CNBD1: variants seen among roughly 807,000 people sequenced by gnomAD.
CNBD1 encodes cyclic nucleotide-binding domain-containing protein 1.
CNBD1 carries 71 observed loss-of-function variants against 54.4 expected under a neutral mutation model. The ratio of observed to expected loss-of-function variants is 1.30; its 90% CI spans 1.08 to 1.59. The LOEUF is 1.59. Among genes scored for constraint, CNBD1 ranks in the 40% most tolerant of loss-of-function variants. The pLI is 0.00. For missense variants in CNBD1, 659 were observed against 518.0 expected, an observed-to-expected ratio of 1.27 and a Z score of -2.64; for synonymous variants, 182 against 170.7, an observed-to-expected ratio of 1.07 and a Z score of -0.51.
In CNBD1 at chr8:87,324,198, G is replaced by T. The variant is rs1330861355; in HGVS notation, c.1043-27487G>T. Among the ~76,000 whole-genome samples, 10 of 126,902 alleles carry T rather than the reference G, an allele frequency of 7.9e-5. 2 individuals are homozygous for T. The highest frequency in any genetic ancestry group is 1.6e-4 in the Non-Finnish European group (9 of 56,808). The allele number at this position is 126,902 out of a possible 152,430, so 83.3% of individuals were successfully genotyped here. The stretch of plus-strand genomic sequence containing the variant: ...AGCTTTTTGATGTGCTGCTGGATTC[G>T]GTTTGCCAGTATTTTATTGAGGATT... On this transcript the variant is annotated intron_variant, in intron 8 of 10. Transcript: ENST00000518476.
At chr8:87,345,911 C>T (rs1441054268) in intron 8 of CNBD1, among the ~76,000 whole-genome samples, 1 of 151,830 alleles carries the variant, frequency 6.6e-6, no homozygotes, top group East Asian at 1.9e-4. Flanking sequence ...TAATTAATTT[C>T]TAAATTTTGA....
intron 10 of CNBD1, among the ~76,000 whole-genome samples, chr8:87,374,716 C>A (rs1049213575): frequency 6.6e-6 from 1 of 151,770 alleles, no homozygotes; most frequent in Non-Finnish European, 1.5e-5. Flanking sequence ...TCCATGATCT[C>A]ACTCACTGTC....
At chr8:86,924,805 A>G (rs1429494373) in intron 3 of CNBD1, among the ~76,000 whole-genome samples, 2 of 152,188 alleles carry the variant, frequency 1.3e-5, no homozygotes, top group Admixed American at 6.6e-5. Flanking sequence ...CTTAGGAAGT[A>G]AATCTGTATC....
rs1809618394 is a variant in CNBD1, at chr8:86,939,770, A to G, written c.431+16A>G. 3.5e-6 allele frequency: 5 copies of G among 1,417,198 alleles called. No homozygotes were observed. The highest frequency in any genetic ancestry group is 2.3e-5 in the Admixed American group (1 of 43,248). 87.8% of individuals were successfully genotyped at this position (1,417,198 alleles called of 1,614,324 possible). On this transcript the variant is annotated intron_variant, in intron 4 of 10. Coordinates refer to ENST00000518476, the MANE Select transcript of CNBD1 (RefSeq NM_173538.3). Reference sequence around the variant, plus strand: ...TAAAGAAATTGTAAGTATTTAAAATATATTCCTTCTTCTAATTGAGTAATT... The same window carrying G: ...TAAAGAAATTGTAAGTATTTAAAATGTATTCCTTCTTCTAATTGAGTAATT...
intron 1 of CNBD1, among the ~76,000 whole-genome samples, chr8:86,870,189 C>CTTTTTTTTTTTTTTTTTTTTT (rs71275890): frequency 4.0e-5 from 4 of 100,622 alleles, no homozygotes; most frequent in Non-Finnish European, 7.5e-5. Context: ...AGATAGTACT[C>CTTTTTTTTTTTTTTTTTTTTT]TTTTTTTTTT....
At chr8:86,928,272 T>C (rs942263593) in intron 3 of CNBD1, among the ~76,000 whole-genome samples, 1 of 152,176 alleles carries the variant, frequency 6.6e-6, no homozygotes, top group Admixed American at 6.5e-5. Flanking sequence ...GCATTTCATA[T>C]GGACTTACCC....
chr8:87,255,523 T>G (rs1233727051), intron 6 of CNBD1, among the ~76,000 whole-genome samples: 1 of 152,074 alleles, frequency 6.6e-6, no homozygotes, highest in African/African-American at 2.4e-5. Context: ...TTTGATAATC[T>G]TAAATATTTG....
rs192356088 is a variant in CNBD1, at chr8:87,236,636, A to G, written c.578-283A>G. On this transcript the variant is annotated intron_variant, in intron 5 of 10. Coordinates refer to ENST00000518476, the MANE Select transcript of CNBD1 (RefSeq NM_173538.3). The stretch of plus-strand genomic sequence containing the variant: ...CAATGTCTCAAATCTATTAATAATT[A>G]TATGTAACCATGTTTTCTTCCACTA... 4.4e-3 allele frequency among the ~76,000 whole-genome samples: 674 copies of G among 152,248 alleles called. 11 individuals are homozygous for G. The highest frequency in any genetic ancestry group is 0.013 in the East Asian group (69 of 5,182).
At chr8:86,951,581 CAAAAAAAAAAAAAAAAAAAAA>C (rs71275901) in intron 4 of CNBD1, among the ~76,000 whole-genome samples, 109 of 37,370 alleles carry the variant, frequency 2.9e-3, no homozygotes, top group African/African-American at 9.9e-3. Flanking sequence ...CTCCGTCTCA[CAAAAAAAAAAAAAAAAAAAAA>C]AAAAAAAAAA....
At chr8:87,378,869 T>A (rs180712978) in intron 10 of CNBD1, among the ~76,000 whole-genome samples, 1,687 of 149,548 alleles carry the variant, frequency 0.011, 20 homozygotes, top group Non-Finnish European at 0.018. Context: ...AGGTCCTTCA[T>A]ATCCCTTGTA....
intron 8 of CNBD1, among the ~76,000 whole-genome samples, chr8:87,346,187 A>T (rs956994754): frequency 7.9e-5 from 12 of 151,888 alleles, no homozygotes; most frequent in Non-Finnish European, 1.6e-4. Context: ...GATTACAGGC[A>T]TGCGCCACCA....
intron 4 of CNBD1, among the ~76,000 whole-genome samples, chr8:87,066,660 G>A (rs1810660879): frequency 6.6e-6 from 1 of 151,628 alleles, no homozygotes; most frequent in South Asian, 2.1e-4. Context: ...TTCCAGATAG[G>A]TGTTATACAC....
chr8:87,147,093 CTTT>C (rs1812506112), intron 4 of CNBD1, among the ~76,000 whole-genome samples: 1 of 152,082 alleles, frequency 6.6e-6, no homozygotes, highest in Non-Finnish European at 1.5e-5. Flanking sequence ...TCTCCCTCAT[CTTT>C]TTAAGACTGA....
chr8:87,245,309 G>C (rs562391828), intron 6 of CNBD1, among the ~76,000 whole-genome samples: 1 of 151,924 alleles, frequency 6.6e-6, no homozygotes, highest in Non-Finnish European at 1.5e-5. Context: ...TGTATTATAA[G>C]AGCAATAAAA....
chr8:87,255,720 C>T (rs899366857), intron 6 of CNBD1, among the ~76,000 whole-genome samples: 7 of 151,404 alleles, frequency 4.6e-5, no homozygotes, highest in African/African-American at 9.7e-5. Context: ...GCCTAACTTC[C>T]AACATTGACC....
At chr8:87,150,975 C>T (rs1243428634) in intron 4 of CNBD1, among the ~76,000 whole-genome samples, 1 of 152,130 alleles carries the variant, frequency 6.6e-6, no homozygotes, top group Admixed American at 6.5e-5. Context: ...AAAAGAAGGT[C>T]GGGGCCTATC....
intron 4 of CNBD1, among the ~76,000 whole-genome samples, chr8:87,197,055 C>T (rs1813737356): frequency 6.6e-6 from 1 of 152,082 alleles, no homozygotes; most frequent in African/African-American, 2.4e-5. Flanking sequence ...ATTTTTTATA[C>T]ACCACTGTAT....
chr8:87,158,626 A>G (rs1392067084), intron 4 of CNBD1, among the ~76,000 whole-genome samples: 1 of 152,102 alleles, frequency 6.6e-6, no homozygotes, highest in Admixed American at 6.6e-5. Flanking sequence ...TGCAGTAGAT[A>G]CCCCTCTGAG....
chr8:86,971,746 C>T (rs1808223694), intron 4 of CNBD1, among the ~76,000 whole-genome samples: 1 of 152,008 alleles, frequency 6.6e-6, no homozygotes, highest in African/African-American at 2.4e-5. Context: ...TATTTTCTAA[C>T]TAAGCATTGT....
Sources: gnomAD v4.1 joint callset for allele counts (sites outside exome capture counted in the v4.1 genomes callset) on GRCh38, gnomAD v4.1.1 for gene constraint, MANE v1.5 for transcripts, NCBI Gene and HGNC (gene_info 2026-07-23, HGNC 2026-07-21) for gene names.